Variants in FARS2 observed in about 807,000 individuals in gnomAD.
FARS2 encodes the protein phenylalanine--tRNA ligase, mitochondrial.
Under a neutral mutation model 46.4 loss-of-function variants are expected in FARS2, and 40 were observed. That is an observed-to-expected ratio of 0.86 (90% confidence interval 0.67 to 1.12). The LOEUF is 1.12. FARS2 is among the 50% of genes most tolerant of loss of function. The pLI is 0.00. For synonymous variants in FARS2, 234 were observed against 214.9 expected (o/e 1.09, Z -0.78); for missense variants, 513 against 567.9 (o/e 0.90, Z 0.98).
Position 5,727,545 on chromosome 6 carries a change from T to C in FARS2, c.1218-43746T>C, listed in dbSNP as rs970903465. Among the ~76,000 whole-genome samples the C allele has an allele frequency of 6.6e-6, 1 of 152,176 alleles. No individual in the cohort carries two copies. Among genetic ancestry groups the C allele is most frequent in the Non-Finnish European group, 1.5e-5 (1 of 68,014 alleles). ...GGTCTCCATGTGGTCAGGACTTGGC[T>C]CTGTGAGTCTGCAGCCTTGTTCAGC... On this transcript the variant is annotated intron_variant, in intron 6 of 6. Coordinates refer to ENST00000274680, the MANE Select transcript of FARS2 (RefSeq NM_006567.5). The surrounding 1 kb of genome is among the most constrained non-coding windows in gnomAD (Gnocchi z 4.1).
At chr6:5,318,387 CAAAAAAA>C (rs753113504) in intron 1 of FARS2, among the ~76,000 whole-genome samples, 1 of 77,196 alleles carries the variant, frequency 1.3e-5, no homozygotes, top group Admixed American at 1.4e-4. Flanking sequence ...AAAAAAAAAC[CAAAAAAA>C]AAAAAAAAAA....
intron 1 of FARS2, among the ~76,000 whole-genome samples, chr6:5,364,888 C>T (rs1245268685): frequency 2.0e-5 from 3 of 152,012 alleles, no homozygotes; most frequent in Non-Finnish European, 4.4e-5. Context: ...AAAAGCTAGC[C>T]GGGCATAGTG....
intron 5 of FARS2, among the ~76,000 whole-genome samples, chr6:5,568,362 G>A (rs535897736): frequency 1.4e-4 from 22 of 152,268 alleles, no homozygotes; most frequent in African/African-American, 4.1e-4. Context: ...ACACAAGAGC[G>A]TTATTAATTA....
intron 4 of FARS2, among the ~76,000 whole-genome samples, chr6:5,530,794 A>G (rs1036036424): frequency 2.7e-5 from 4 of 147,200 alleles, no homozygotes; most frequent in African/African-American, 4.9e-5. Flanking sequence ...ATATAGAACT[A>G]TATATTGACA....
intron 2 of FARS2, among the ~76,000 whole-genome samples, chr6:5,381,191 T>G (rs964010054): frequency 1.6e-4 from 24 of 151,806 alleles, no homozygotes; most frequent in Admixed American, 1.6e-3. Context: ...TAGTAGAGAC[T>G]AAAAATCCTG....
intron 6 of FARS2, among the ~76,000 whole-genome samples, chr6:5,637,816 G>A (rs1017764041): frequency 2.6e-5 from 4 of 152,158 alleles, no homozygotes; most frequent in African/African-American, 9.7e-5. Context: ...CGCTCCGTAT[G>A]TGTCTGTGTC....
chr6:5,394,129 G>A (rs909186081), intron 2 of FARS2, among the ~76,000 whole-genome samples: 16 of 152,312 alleles, frequency 1.1e-4, no homozygotes, highest in Admixed American at 5.9e-4. Flanking sequence ...ATGAGGAGGA[G>A]CATAAAGCTG....
At chr6:5,450,697 TGCC>T (rs557639445) in intron 4 of FARS2, among the ~76,000 whole-genome samples, 2 of 12,140 alleles carry the variant, frequency 1.6e-4, no homozygotes, top group African/African-American at 4.4e-4. Flanking sequence ...GGAGGTAGTG[TGCC>T]GCCTGTTAGT....
intron 5 of FARS2, among the ~76,000 whole-genome samples, chr6:5,569,456 C>T (rs183640983): frequency 4.6e-5 from 7 of 152,208 alleles, no homozygotes; most frequent in African/African-American, 1.7e-4. Flanking sequence ...CCATGCTGAG[C>T]TCAACTGATC....
chr6:5,566,358 G>A (rs1772323389), intron 5 of FARS2, among the ~76,000 whole-genome samples: 1 of 152,008 alleles, frequency 6.6e-6, no homozygotes, highest in Non-Finnish European at 1.5e-5. Context: ...CTCTCACAAT[G>A]CGAAGTAATT....
chr6:5,620,588 A>G (rs546249124), intron 6 of FARS2, among the ~76,000 whole-genome samples: 164 of 152,180 alleles, frequency 1.1e-3, no homozygotes, highest in African/African-American at 3.7e-3. Context: ...TCATTTTCTC[A>G]CACTTATTCT....
At chr6:5,433,982 G>A (rs1180317779) in intron 4 of FARS2, among the ~76,000 whole-genome samples, 3 of 152,182 alleles carry the variant, frequency 2.0e-5, no homozygotes, top group South Asian at 2.1e-4. Flanking sequence ...GATCAGCCAC[G>A]TTAGATATTC....
chr6:5,307,722 G>T (rs2127543089), intron 1 of FARS2, among the ~76,000 whole-genome samples: 1 of 152,106 alleles, frequency 6.6e-6, no homozygotes. Flanking sequence ...TTAGCTACTT[G>T]ATTTCCTGTT....
chr6:5,442,720 C>T (rs1303184871), intron 4 of FARS2, among the ~76,000 whole-genome samples: 1 of 152,104 alleles, frequency 6.6e-6, no homozygotes, highest in African/African-American at 2.4e-5. Context: ...GCTGGGAAGT[C>T]GTACTCTAGG....
At chr6:5,512,183 G>T (rs1768499156) in intron 4 of FARS2, among the ~76,000 whole-genome samples, 1 of 152,074 alleles carries the variant, frequency 6.6e-6, no homozygotes, top group African/African-American at 2.4e-5. Flanking sequence ...AAATTCAATT[G>T]CTCACATAAT....
intron 6 of FARS2, among the ~76,000 whole-genome samples, chr6:5,748,505 C>T (rs140072314): frequency 9.9e-5 from 15 of 152,254 alleles, no homozygotes; most frequent in African/African-American, 2.2e-4. Context: ...ATCATGGCCA[C>T]GGGCAACAAT....
intron 6 of FARS2, among the ~76,000 whole-genome samples, chr6:5,702,023 T>C (rs973828733): frequency 6.6e-6 from 1 of 152,236 alleles, no homozygotes; most frequent in African/African-American, 2.4e-5. Context: ...AAATTTATGT[T>C]GGCTATTTTT....
intron 1 of FARS2, among the ~76,000 whole-genome samples, chr6:5,337,872 C>T (rs192412763): frequency 6.6e-6 from 1 of 152,246 alleles, no homozygotes; most frequent in East Asian, 1.9e-4. Flanking sequence ...GATTTTGTAA[C>T]TCATCCAGAG....
chr6:5,517,840 A>T (rs1768903725), intron 4 of FARS2, among the ~76,000 whole-genome samples: 1 of 152,148 alleles, frequency 6.6e-6, no homozygotes, highest in Non-Finnish European at 1.5e-5. Context: ...CATTTAAAAA[A>T]TTTCCTATTC....
Sources: allele counts gnomAD v4.1 joint callset (sites outside exome capture counted in the v4.1 genomes callset), GRCh38; gene constraint gnomAD v4.1.1; non-coding constraint Gnocchi (gnomAD v3.1); transcripts MANE v1.5; gene names NCBI Gene and HGNC (gene_info 2026-07-23, HGNC 2026-07-21).